CSPP1: variants seen among roughly 807,000 people sequenced by gnomAD.
The protein encoded by CSPP1 is centrosome and spindle pole-associated protein 1.
In CSPP1, 126 loss-of-function variants were observed where a neutral mutation model predicts 164.4. That is an observed-to-expected ratio of 0.77 (90% CI 0.66 to 0.89). CSPP1 has a LOEUF of 0.89. Ranked by LOEUF, CSPP1 falls within the 40% of genes least tolerant of loss-of-function variation. CSPP1 has a pLI of 0.00. For missense variants in CSPP1, 1,395 were observed against 1,449.8 expected, an observed-to-expected ratio of 0.96 and a Z score of 0.61; for synonymous variants, 472 against 476.7, an observed-to-expected ratio of 0.99 and a Z score of 0.13.
At chr8:67,178,191 A>G (rs986836731) in intron 27 of CSPP1, among the ~76,000 whole-genome samples, 2 of 152,330 alleles carry the variant, frequency 1.3e-5, no homozygotes, top group Admixed American at 6.5e-5. Context: ...TTATGAGTGC[A>G]GTGTGAGTGT....
intron 8 of CSPP1, among the ~76,000 whole-genome samples, chr8:67,104,935 C>T (rs548650365): frequency 1.4e-4 from 19 of 139,212 alleles, no homozygotes; most frequent in African/African-American, 5.0e-4. Flanking sequence ...CCACTGCTCC[C>T]GGTCTTACAT....
At chr8:67,106,892 G>C (rs912775983) in intron 9 of CSPP1, among the ~76,000 whole-genome samples, 1 of 152,034 alleles carries the variant, frequency 6.6e-6, no homozygotes, top group Non-Finnish European at 1.5e-5. Flanking sequence ...CTTGTGAATG[G>C]CTATTGTGAG....
intron 15 of CSPP1, among the ~76,000 whole-genome samples, chr8:67,121,940 T>C (rs1485401628): frequency 6.6e-6 from 1 of 152,102 alleles, no homozygotes; most frequent in East Asian, 1.9e-4. Context: ...ATCCGATTTG[T>C]TGGCATATAA....
At chr8:67,171,732 G>A (rs1830503287) in intron 24 of CSPP1, among the ~76,000 whole-genome samples, 3 of 152,086 alleles carry the variant, frequency 2.0e-5, no homozygotes, top group African/African-American at 7.2e-5. Context: ...ATTTTTAGTA[G>A]AGACAGGGTT....
chr8:67,160,251 G>A (rs1382806730), intron 21 of CSPP1, among the ~76,000 whole-genome samples: 1 of 150,888 alleles, frequency 6.6e-6, no homozygotes, highest in Non-Finnish European at 1.5e-5. Flanking sequence ...GATCACTTGA[G>A]GCCAGGAGAT....
At position 67,118,794 on chromosome 8, in the gene CSPP1, T is replaced by G; in HGVS notation, c.1670T>G (p.Val557Gly). The G allele has an allele frequency of 6.2e-7, 1 of 1,611,790 alleles. No individual in the cohort carries two copies. Among genetic ancestry groups the G allele is most frequent in the Non-Finnish European group, 8.5e-7 (1 of 1,177,972 alleles). ...CCTGCAGCTTATGTTAGTGCTCCTG[T>G]CACCCACCAACTAGCACAACCTGTT... is the stretch of plus-strand genomic sequence containing the variant. ...VQPAAYVSAP[V>G]THQLAQPVVN... The change falls in exon 15 of 31, where the codon GTC becomes GGC. Residue 557 changes from valine to glycine, a missense_variant. Transcript: ENST00000678616.
At chr8:67,070,858 A>G (rs1030248338) in intron 1 of CSPP1, among the ~76,000 whole-genome samples, 1 of 151,662 alleles carries the variant, frequency 6.6e-6, no homozygotes, top group Admixed American at 6.6e-5. Flanking sequence ...AAGTGATCCA[A>G]TCCTCCTGCC....
intron 28 of CSPP1, among the ~76,000 whole-genome samples, chr8:67,188,935 T>C (rs985832393): frequency 3.3e-5 from 5 of 152,160 alleles, no homozygotes; most frequent in Non-Finnish European, 7.3e-5. Context: ...TTCCTTGGAA[T>C]CTGTGAGGCC....
chr8:67,118,713 CT>C (rs751242333), intron 14 of CSPP1, 29 bp from the exon 15 acceptor site: 4 of 1,482,298 alleles, frequency 2.7e-6, no homozygotes, highest in Non-Finnish European at 1.9e-6. Flanking sequence ...TCTAAATAAA[CT>C]TTTTTTGTTT....
intron 7 of CSPP1, 67 bp from the exon 8 acceptor site, chr8:67,102,970 A>T (rs1053561280): frequency 1.1e-6 from 1 of 880,428 alleles, no homozygotes; most frequent in African/African-American, 1.7e-5. Context: ...AAATGTAAAA[A>T]CACCAAACTG....
chr8:67,158,845 T>C (rs539986979), intron 20 of CSPP1, 146 bp from the exon 21 acceptor site: 19 of 913,256 alleles, frequency 2.1e-5, no homozygotes, highest in Admixed American at 2.7e-5. Context: ...TAATATTTTA[T>C]TTTTAAGCAG....
intron 1 of CSPP1, among the ~76,000 whole-genome samples, chr8:67,067,853 C>CTTTT (rs1238441914): frequency 7.3e-6 from 1 of 137,096 alleles, no homozygotes; most frequent in African/African-American, 2.7e-5. Flanking sequence ...CTGTTGATTT[C>CTTTT]TTTTTTTTTT....
chr8:67,135,323 T>C (rs534343265), intron 16 of CSPP1: 11 of 152,270 alleles, frequency 7.2e-5, no homozygotes, highest in African/African-American at 2.4e-4. Flanking sequence ...TTTTATTTTT[T>C]ATTTTTTTTT....
At chr8:67,086,877 G>A in intron 4 of CSPP1, 1 of 1,212,256 alleles carries the variant, frequency 8.2e-7, no homozygotes, top group Non-Finnish European at 1.1e-6. Flanking sequence ...TCCTCCTTCA[G>A]TTTTTTCTTT....
At chr8:67,116,627 T>C (rs1054915805) in intron 13 of CSPP1, among the ~76,000 whole-genome samples, 4 of 152,178 alleles carry the variant, frequency 2.6e-5, no homozygotes, top group African/African-American at 9.6e-5. Context: ...TTATAAAACC[T>C]GTAATTTAAG....
chr8:67,160,535 T>C (rs1156228875), intron 21 of CSPP1, among the ~76,000 whole-genome samples: 1 of 151,924 alleles, frequency 6.6e-6, no homozygotes, highest in African/African-American at 2.4e-5. Context: ...ATTTCTTATG[T>C]TTTTTAAAAA....
chr8:67,075,812 G>A (rs1246977057), intron 2 of CSPP1, among the ~76,000 whole-genome samples: 1 of 152,206 alleles, frequency 6.6e-6, no homozygotes, highest in African/African-American at 2.4e-5. Context: ...GCTCACAGGA[G>A]TTAAGTAATT....
At chr8:67,183,240 C>T (rs1013674938) in intron 28 of CSPP1, among the ~76,000 whole-genome samples, 1 of 152,170 alleles carries the variant, frequency 6.6e-6, no homozygotes, top group African/African-American at 2.4e-5. Flanking sequence ...CAGAAATGGA[C>T]AGAGACAGAA....
chr8:67,159,885 T>TTTC (rs1491333440), intron 21 of CSPP1, among the ~76,000 whole-genome samples: 1 of 64,908 alleles, frequency 1.5e-5, no homozygotes, highest in Non-Finnish European at 2.8e-5. Flanking sequence ...TCTTTCTTTC[T>TTTC]TTCTTTCTTT....
Sources: gnomAD v4.1 joint callset for allele counts (sites outside exome capture counted in the v4.1 genomes callset) on GRCh38, gnomAD v4.1.1 for gene constraint, MANE v1.5 for transcripts, NCBI Gene and HGNC (gene_info 2026-07-23, HGNC 2026-07-21) for gene names.